Variants in PEAK1 observed in about 807,000 individuals in gnomAD.
The protein encoded by PEAK1 is inactive tyrosine-protein kinase PEAK1.
In PEAK1, 54 loss-of-function variants were observed where a neutral mutation model predicts 124.7. The observed-to-expected ratio is 0.43, with a 90% confidence interval of 0.35 to 0.54. The LOEUF is 0.54. PEAK1 is among the 20% of genes least tolerant of loss of function. PEAK1 has a pLI of 0.01. For synonymous variants in PEAK1, 719 were observed against 760.0 expected (o/e 0.95, Z 0.89); for missense variants, 2,046 against 2,134.5 (o/e 0.96, Z 0.82).
intron 9 of PEAK1, among the ~76,000 whole-genome samples, chr15:77,130,596 C>T (rs972856126): frequency 2.0e-5 from 3 of 152,148 alleles, no homozygotes; most frequent in African/African-American, 4.8e-5. Flanking sequence ...TGCTAAGATA[C>T]CATCTGGTCT....
chr15:77,241,009 G>A (rs1204253687), intron 6 of PEAK1, among the ~76,000 whole-genome samples: 2 of 150,786 alleles, frequency 1.3e-5, no homozygotes, highest in African/African-American at 2.4e-5. Context: ...TTGTTTGGCA[G>A]AAAAAAAAAT....
chr15:77,414,398 T>G (rs2072707682), intron 1 of PEAK1, among the ~76,000 whole-genome samples: 1 of 151,120 alleles, frequency 6.6e-6, no homozygotes, highest in African/African-American at 2.4e-5. Flanking sequence ...TTTTTTTTTT[T>G]TTTGTAAGCG....
rs1007662274 is a variant in PEAK1, at chr15:77,108,984, A to C, written c.*5172T>G. The C allele has an allele frequency of 1.1e-4, 16 of 152,218 alleles. No homozygotes were observed. The highest frequency in any genetic ancestry group is 3.4e-4 in the African/African-American group (14 of 41,454). 9.4% of individuals were successfully genotyped at this position (152,218 alleles called of 1,614,324 possible). A position where few individuals can be genotyped will look rare whatever the true frequency, so the allele number is the denominator to read the frequency against. On this transcript the variant is annotated 3_prime_UTR_variant, in exon 10 of 10. Coordinates refer to ENST00000682557, the MANE Select transcript of PEAK1 (RefSeq NM_001385026.1). Reference sequence around the variant, plus strand: ...TGATGCAAAAATCTATTCTAATTTTAAACAGTTGCAGGGAGGGGGTGTTTA... The same window carrying C: ...TGATGCAAAAATCTATTCTAATTTTCAACAGTTGCAGGGAGGGGGTGTTTA...
chr15:77,165,921 C>T lies in PEAK1; in HGVS notation c.3138-7225G>A, dbSNP rs75803947. Among the ~76,000 whole-genome samples, 277 of 152,222 alleles carry T rather than the reference C, an allele frequency of 1.8e-3. 10 individuals are homozygous for T. In the East Asian group the frequency reaches 0.047, roughly 26 times the overall value. On this transcript the variant is annotated intron_variant, in intron 7 of 9. Transcript: ENST00000682557. ...CTGAATAGATACCATGCAACTCTAA[C>T]GTAAATGTTCCTTCCACCACACTGT...
At chr15:77,280,009 G>A (rs972684550) in intron 5 of PEAK1, among the ~76,000 whole-genome samples, 1 of 152,102 alleles carries the variant, frequency 6.6e-6, no homozygotes, top group Non-Finnish European at 1.5e-5. Flanking sequence ...GTAGTTGTAT[G>A]GATCCGAACA....
At chr15:77,231,899 T>C (rs1191378197) in intron 6 of PEAK1, among the ~76,000 whole-genome samples, 1 of 152,216 alleles carries the variant, frequency 6.6e-6, no homozygotes, top group East Asian at 1.9e-4. Flanking sequence ...TTCATTTTCT[T>C]AAAAGTACTT....
chr15:77,348,911 G>A (rs941014381), intron 2 of PEAK1: 1 of 948,872 alleles, frequency 1.1e-6, no homozygotes, highest in Non-Finnish European at 1.3e-6. Flanking sequence ...CAAAGTGCTG[G>A]GATTATAGGC....
rs138045407 is a variant in PEAK1 at position 77,190,331 on chromosome 15, G to A, written c.-114-8291C>T. On this transcript the variant is annotated intron_variant, in intron 6 of 9. Coordinates refer to ENST00000682557, the MANE Select transcript of PEAK1 (RefSeq NM_001385026.1). ...TACCATAATAAACTAGTCTTTCCTA[G>A]TGCAGATATTTGGACCTGTTCTAAT... 2.0e-5 allele frequency among the ~76,000 whole-genome samples: 3 copies of A among 152,240 alleles called. No homozygotes were observed. In the East Asian group the frequency reaches 5.8e-4, roughly 29 times the overall value.
intron 1 of PEAK1, among the ~76,000 whole-genome samples, chr15:77,407,906 T>C (rs373951992): frequency 9.4e-4 from 134 of 142,578 alleles, no homozygotes; most frequent in African/African-American, 2.5e-3. Context: ...TATATACACA[T>C]ATATATACAC....
intron 6 of PEAK1, among the ~76,000 whole-genome samples, chr15:77,247,246 T>G (rs1039192762): frequency 6.6e-6 from 1 of 152,148 alleles, no homozygotes; most frequent in African/African-American, 2.4e-5. Context: ...TTAACTGAAC[T>G]TGCTATGACT....
chr15:77,181,141 C>T lies in PEAK1; in HGVS notation c.786G>A (p.Met262Ile). The T allele has an allele frequency of 6.2e-7, 1 of 1,614,182 alleles. No homozygotes were observed. Among genetic ancestry groups the T allele is most frequent in the Middle Eastern group, 1.6e-4 (1 of 6,062 alleles). Reference sequence around the variant, plus strand: ...GAGGTTGCCCTCTCATGCGAATCTCCATGGCCAACAGCTCTTCATCACTCT... The same window carrying T: ...GAGGTTGCCCTCTCATGCGAATCTCTATGGCCAACAGCTCTTCATCACTCT... ...WDESDEELLA[M>I]EIRMRGQPRF... Residue 262 changes from methionine to isoleucine, a missense_variant, in exon 7 of 10, where the codon ATG becomes ATA. Physicochemically the swap from Met to Ile is conservative, Grantham distance 10. Coordinates refer to ENST00000682557, the MANE Select transcript of PEAK1 (RefSeq NM_001385026.1).
intron 5 of PEAK1, among the ~76,000 whole-genome samples, chr15:77,278,116 G>A (rs1433938213): frequency 6.6e-6 from 1 of 152,144 alleles, no homozygotes. Flanking sequence ...ACGAGGGTAT[G>A]TGGGATATCT....
At chr15:77,242,604 C>CT (rs751782605) in intron 6 of PEAK1, among the ~76,000 whole-genome samples, 192 of 152,096 alleles carry the variant, frequency 1.3e-3, no homozygotes, top group African/African-American at 4.5e-3. Context: ...GAGGGTATCA[C>CT]TTTTTTTTCC....
chr15:77,184,035 G>A (rs984744175), intron 6 of PEAK1, among the ~76,000 whole-genome samples: 23 of 151,812 alleles, frequency 1.5e-4, no homozygotes, highest in African/African-American at 5.1e-4. Flanking sequence ...TCTCCATGTT[G>A]TCCAGGGTGG....
At position 77,110,923 on chromosome 15, in the gene PEAK1, C is replaced by T. The variant is rs764771553; in HGVS notation, c.*3233G>A. Reference sequence around the variant, plus strand: ...AGTTCTAGTCCTCTTTATGAAACATCCACTGAATTGCTTCCAAGACTAGGT... The same window carrying T: ...AGTTCTAGTCCTCTTTATGAAACATTCACTGAATTGCTTCCAAGACTAGGT... On this transcript the variant is annotated 3_prime_UTR_variant, in exon 10 of 10. Coordinates refer to ENST00000682557, the MANE Select transcript of PEAK1 (RefSeq NM_001385026.1). 2.6e-5 allele frequency: 4 copies of T among 152,236 alleles called. No homozygotes were observed. Among genetic ancestry groups the T allele is most frequent in the African/African-American group, 4.8e-5 (2 of 41,448 alleles). The allele number at this position is 152,236 out of a possible 1,614,324, so 9.4% of individuals were successfully genotyped here.
rs1419571744 is a variant in PEAK1 at position 77,181,612 on chromosome 15, G to A, written c.315C>T (p.Asn105=). 1.2e-6 allele frequency: 2 copies of A among 1,614,052 alleles called. No individual in the cohort carries two copies. The highest frequency in any genetic ancestry group is 2.2e-5 in the South Asian group (2 of 91,070). ...TCTGACTCAAGGCAGCTCTGTTTCGGTTCCACCCTATGATGACAGGTTTGT... is the reference window on the plus strand; with the variant it reads ...TCTGACTCAAGGCAGCTCTGTTTCGATTCCACCCTATGATGACAGGTTTGT... The part of the protein sequence containing the change: ...CENKPVIIGW[N]RNRAALSQKP... The change falls in exon 7 of 10, where the codon AAC becomes AAT. Residue 105 remains asparagine, a synonymous_variant. Coordinates refer to ENST00000682557, the MANE Select transcript of PEAK1 (RefSeq NM_001385026.1).
rs2053042235 is a variant in PEAK1, at chr15:77,133,359, G to A, written c.3723C>T (p.Leu1241=). ...AANSISSLTT[L]SIKDRFSNSM... is the part of the protein sequence containing the mutation. ...TGTTGGAAAATCTATCCTTAATACT[G>A]AGAGTGGTTAAGCTGGAAATGCTGT... is the stretch of plus-strand genomic sequence containing the variant. The change falls in exon 9 of 10, where the codon CTC becomes CTT. Residue 1241 remains leucine (L), a synonymous_variant. Transcript: ENST00000682557. The surrounding 1 kb of genome is among the most constrained non-coding windows in gnomAD (Gnocchi z 4.2). 4 of 1,614,230 alleles carry A rather than the reference G, an allele frequency of 2.5e-6. No homozygotes were observed. The highest frequency in any genetic ancestry group is 2.5e-6 in the Non-Finnish European group (3 of 1,180,048).
At chr15:77,322,517 T>C (rs931991797) in intron 2 of PEAK1, among the ~76,000 whole-genome samples, 9 of 152,162 alleles carry the variant, frequency 5.9e-5, no homozygotes, top group African/African-American at 1.9e-4. Flanking sequence ...GCAAATAAAC[T>C]AGAAAATCCA....
chr15:77,323,301 G>A (rs1255412037), intron 2 of PEAK1, among the ~76,000 whole-genome samples: 28 of 151,738 alleles, frequency 1.8e-4, no homozygotes, highest in African/African-American at 6.0e-4. Context: ...GGCAGGAGAA[G>A]GAAATAAAGG....
Sources: gnomAD v4.1 joint callset for allele counts (sites outside exome capture counted in the v4.1 genomes callset) on GRCh38, gnomAD v4.1.1 for gene constraint, Gnocchi (gnomAD v3.1) non-coding constraint, MANE v1.5 for transcripts, NCBI Gene and HGNC (gene_info 2026-07-23, HGNC 2026-07-21) for gene names.